Variants in ADGRD1 observed in about 807,000 individuals in gnomAD.
ADGRD1 encodes adhesion G protein-coupled receptor D1.
ADGRD1 carries 77 observed loss-of-function variants against 113.4 expected under a neutral mutation model. The observed-to-expected ratio is 0.68, with a 90% CI of 0.57 to 0.82. ADGRD1 has a LOEUF of 0.82. ADGRD1 is among the 40% of genes least tolerant of loss of function. The pLI is 0.00. For synonymous variants in ADGRD1, 474 were observed against 475.0 expected (o/e 1.00, Z 0.03); for missense variants, 1,036 against 1,139.1 (o/e 0.91, Z 1.30).
chr12:131,137,932 C>T (rs752649246), intron 23 of ADGRD1: 80 of 565,692 alleles, frequency 1.4e-4, no homozygotes, highest in Non-Finnish European at 2.2e-4. Flanking sequence ...CCACACCCAG[C>T]TTCCCTGGCC....
intron 15 of ADGRD1, among the ~76,000 whole-genome samples, chr12:131,100,209 T>C (rs1464696808): frequency 6.6e-6 from 1 of 152,136 alleles, no homozygotes; most frequent in East Asian, 1.9e-4. Context: ...GTTTGGTTGA[T>C]GATGCGTCAG....
Position 131,084,270 on chromosome 12 carries a change from G to A in ADGRD1, c.1548-270G>A, listed in dbSNP as rs1040540942. Among the ~76,000 whole-genome samples, 1 of 152,056 alleles carries A rather than the reference G, an allele frequency of 6.6e-6. No individual in the cohort carries two copies. The highest frequency in any genetic ancestry group is 2.1e-4 in the South Asian group (1 of 4,830). On this transcript the variant is annotated intron_variant, in intron 14 of 24. Transcript: ENST00000261654. The surrounding 1 kb of genome is among the most constrained non-coding windows in gnomAD (Gnocchi z 4.5). ...CAGGTGCTTTTCAGGGTGATTGTGC[G>A]AAGCAGCTCCCCCTTCCCTGTCCCA... is the stretch of plus-strand genomic sequence containing the variant.
chr12:131,076,879 C>G lies in ADGRD1; in HGVS notation c.1547+5C>G. The G allele has an allele frequency of 6.2e-7, 1 of 1,613,194 alleles. No homozygotes were observed. The highest frequency in any genetic ancestry group is 1.3e-5 in the African/African-American group (1 of 75,032). On this transcript the variant is annotated splice_donor_5th_base_variant and intron_variant, in intron 14 of 24. Coordinates refer to ENST00000261654, the MANE Select transcript of ADGRD1 (RefSeq NM_198827.5). ...CTGCGCCTTCCTGGACTTCAGGTAC[C>G]CTCTGCACAGGGGAGAGCAGGTGGG... is the stretch of plus-strand genomic sequence containing the variant.
intron 20 of ADGRD1, among the ~76,000 whole-genome samples, chr12:131,131,442 G>A (rs148687125): frequency 2.6e-5 from 4 of 152,354 alleles, no homozygotes; most frequent in Non-Finnish European, 4.4e-5. Flanking sequence ...CTAAGATGAG[G>A]TCTGGCCCAG....
intron 20 of ADGRD1, among the ~76,000 whole-genome samples, chr12:131,127,501 A>G (rs1356230963): frequency 1.4e-3 from 175 of 122,172 alleles, no homozygotes; most frequent in East Asian, 5.3e-3. Context: ...CTGAGCTCAG[A>G]TGGGGTGTTG....
At chr12:130,990,126 G>A (rs917307736) in intron 6 of ADGRD1, 5 of 152,228 alleles carry the variant, frequency 3.3e-5, no homozygotes, top group African/African-American at 1.2e-4. Flanking sequence ...TGACTCCTCT[G>A]TAACTCATTG....
At chr12:131,048,867 G>A (rs1369795534) in intron 13 of ADGRD1, among the ~76,000 whole-genome samples, 1 of 152,144 alleles carries the variant, frequency 6.6e-6, no homozygotes, top group East Asian at 1.9e-4. Flanking sequence ...CAGGGAAAGG[G>A]CCTCCAGCTG....
rs770842590 is a variant in ADGRD1 at position 131,108,834 on chromosome 12, G to C, written c.1998G>C (p.Gly666=). The change falls in exon 18 of 25, where the codon GGG becomes GGC. Residue 666 remains glycine (G), a synonymous_variant. Transcript: ENST00000261654. ...HLYSMVIKVF[G]SEDSKHRYYY... is the part of the protein sequence containing the mutation. Reference sequence around the variant, plus strand: ...ACAGCATGGTGATCAAGGTCTTTGGGTCGGAGGACAGCAAGCACCGTTACT... The same window carrying C: ...ACAGCATGGTGATCAAGGTCTTTGGCTCGGAGGACAGCAAGCACCGTTACT... 6.2e-7 allele frequency: 1 copy of C among 1,613,654 alleles called. No homozygotes were observed. The highest frequency in any genetic ancestry group is 1.7e-5 in the Admixed American group (1 of 59,960).
chr12:130,992,268 C>A lies in ADGRD1; in HGVS notation c.842C>A (p.Thr281Asn), dbSNP rs554480613. 3 of 1,613,650 alleles carry A rather than the reference C, an allele frequency of 1.9e-6. No individual in the cohort carries two copies. The highest frequency in any genetic ancestry group is 2.5e-6 in the Non-Finnish European group (3 of 1,179,810). ...MPTDAYHPII[T>N]NLTEERKTFQ... Reference sequence around the variant, plus strand: ...ACAGATGCCTACCATCCCATCATAACCAACCTGACAGAAGAGAGAAAAACC... The same window carrying A: ...ACAGATGCCTACCATCCCATCATAAACAACCTGACAGAAGAGAGAAAAACC... Residue 281 changes from threonine to asparagine, a missense_variant, in exon 8 of 25, where the codon ACC (threonine) becomes AAC (asparagine). Thr to Asn is a moderately conservative substitution (Grantham distance 65). Coordinates refer to ENST00000261654, the MANE Select transcript of ADGRD1 (RefSeq NM_198827.5).
At chr12:131,013,365 CTCAA>C (rs1256848379) in intron 12 of ADGRD1, among the ~76,000 whole-genome samples, 3 of 152,168 alleles carry the variant, frequency 2.0e-5, no homozygotes, top group Non-Finnish European at 4.4e-5. Flanking sequence ...CAATTCCCTT[CTCAA>C]TCAGTCTCCC....
intron 13 of ADGRD1, among the ~76,000 whole-genome samples, chr12:131,058,290 C>T (rs541614983): frequency 1.4e-4 from 22 of 152,170 alleles, no homozygotes; most frequent in African/African-American, 5.3e-4. Flanking sequence ...GCGTCGTGAG[C>T]GTCCTGGGTC....
chr12:131,101,368 TCTTTCTTTC>T (rs1950072592), intron 15 of ADGRD1, among the ~76,000 whole-genome samples: 3 of 74,380 alleles, frequency 4.0e-5, no homozygotes, highest in African/African-American at 7.4e-5. Flanking sequence ...TTTTTCTTTT[TCTTTCTTTC>T]TTTTTTTTTT....
At chr12:131,070,704 T>C in intron 13 of ADGRD1, 1 of 437,874 alleles carries the variant, frequency 2.3e-6, no homozygotes, top group Admixed American at 2.3e-5. Context: ...TGAGGGCGTG[T>C]CCATCACTGC....
chr12:131,097,446 T>C (rs78186754), intron 15 of ADGRD1, among the ~76,000 whole-genome samples: 6,186 of 152,328 alleles, frequency 0.041, 411 homozygotes, highest in African/African-American at 0.14. Flanking sequence ...AGCTCATTTC[T>C]ACCTGTCCCC....
chr12:131,100,006 G>GGGTTGGTTGACAGTA (rs1272067859), intron 15 of ADGRD1, among the ~76,000 whole-genome samples: 3 of 152,134 alleles, frequency 2.0e-5, no homozygotes, highest in Non-Finnish European at 4.4e-5. Context: ...GTTGAAGATA[G>GGGTTGGTTGACAGTA]GGTTGGTTGA....
At chr12:131,066,899 G>A (rs1237842644) in intron 13 of ADGRD1, among the ~76,000 whole-genome samples, 1 of 152,202 alleles carries the variant, frequency 6.6e-6, no homozygotes, top group Non-Finnish European at 1.5e-5. Flanking sequence ...CGGGCCCGGG[G>A]GCAACTTTAA....
At chr12:131,001,741 T>C (rs555056532) in intron 9 of ADGRD1, among the ~76,000 whole-genome samples, 1 of 152,188 alleles carries the variant, frequency 6.6e-6, no homozygotes, top group African/African-American at 2.4e-5. Context: ...CAATATGTGG[T>C]TTCCAAGGTT....
intron 13 of ADGRD1, among the ~76,000 whole-genome samples, chr12:131,068,928 T>A (rs1884936310): frequency 6.6e-6 from 1 of 152,250 alleles, no homozygotes; most frequent in Non-Finnish European, 1.5e-5. Flanking sequence ...GCACTGAGAT[T>A]AGGCAGTAGT....
At chr12:131,128,283 C>G (rs1242056471) in intron 20 of ADGRD1, among the ~76,000 whole-genome samples, 1 of 139,586 alleles carries the variant, frequency 7.2e-6, no homozygotes, top group Non-Finnish European at 1.6e-5. Flanking sequence ...GTGATGGGAC[C>G]CTGAGCTCAG....
Sources: gnomAD v4.1 joint callset for allele counts (sites outside exome capture counted in the v4.1 genomes callset) on GRCh38, gnomAD v4.1.1 for gene constraint, Gnocchi (gnomAD v3.1) non-coding constraint, MANE v1.5 for transcripts, NCBI Gene and HGNC (gene_info 2026-07-23, HGNC 2026-07-21) for gene names.